Variants in ZNF560 observed in about 807,000 individuals in gnomAD.
The protein encoded by ZNF560 is zinc finger protein 560.
In ZNF560, 54 loss-of-function variants were observed where a neutral mutation model predicts 81.8. The ratio of observed to expected loss-of-function variants is 0.66; its 90% CI spans 0.53 to 0.83. ZNF560 has a LOEUF of 0.83. Ranked by LOEUF, ZNF560 falls within the 40% of genes least tolerant of loss-of-function variation. The pLI is 0.00. For synonymous variants in ZNF560, 321 were observed against 317.9 expected, an observed-to-expected ratio of 1.01 and a Z score of -0.10; for missense variants, 940 against 932.4, an observed-to-expected ratio of 1.01 and a Z score of -0.11.
downstream of ZNF560, among the ~76,000 whole-genome samples, chr19:9,464,352 G>A (rs1344308530): frequency 6.6e-6 from 1 of 152,180 alleles, no homozygotes; most frequent in East Asian, 1.9e-4. Flanking sequence ...CCAAACAGTG[G>A]CATCAAAGAC....
Position 9,470,426 on chromosome 19 carries a change from C to G in ZNF560, c.414G>C (p.Val138=), listed in dbSNP as rs908903278. 6.2e-7 allele frequency: 1 copy of G among 1,613,758 alleles called. No individual in the cohort carries two copies. Among genetic ancestry groups the G allele is most frequent in the Non-Finnish European group, 8.5e-7 (1 of 1,179,814 alleles). ...ACAGGTTCTTGTAGTTCTCCAGCAT[C>G]ACATCACTGTACAGGTTTCTCTGAG... ...DPAQRNLYSD[V]MLENYKNLSS... The change falls in exon 7 of 10, where the codon GTG becomes GTC. Residue 138 remains valine, a synonymous_variant. Transcript: ENST00000301480.
chr19:9,499,788 G>A (rs1416836710), upstream of ZNF560, among the ~76,000 whole-genome samples: 1 of 152,100 alleles, frequency 6.6e-6, no homozygotes, highest in African/African-American at 2.4e-5. Flanking sequence ...GAAATTTTCA[G>A]TTTACAAATA....
upstream of ZNF560, among the ~76,000 whole-genome samples, chr19:9,502,377 A>G (rs1007556985): frequency 6.6e-6 from 1 of 151,564 alleles, no homozygotes; most frequent in Non-Finnish European, 1.5e-5. Context: ...ACGCCCAGCT[A>G]ATTTTTGTGT....
chr19:9,492,096 T>G (rs2073483267), intron 2 of ZNF560, among the ~76,000 whole-genome samples: 1 of 151,990 alleles, frequency 6.6e-6, no homozygotes, highest in South Asian at 2.1e-4. Flanking sequence ...TCTTTCTGCC[T>G]CATGCTCCTG....
the ZNF560 span, among the ~76,000 whole-genome samples, chr19:9,460,290 T>C: frequency 2.1e-3 from 325 of 152,282 alleles, 2 homozygotes; most frequent in African/African-American, 7.5e-3. Flanking sequence ...ATCAAGAAGC[T>C]GTCACAGATG....
At chr19:9,490,727 G>T (rs1459284846) in intron 2 of ZNF560, among the ~76,000 whole-genome samples, 1 of 152,198 alleles carries the variant, frequency 6.6e-6, no homozygotes, top group East Asian at 1.9e-4. Context: ...GTTTGCCAAT[G>T]TAAGTCTTGG....
the ZNF560 span, among the ~76,000 whole-genome samples, chr19:9,446,509 A>G: frequency 6.6e-6 from 1 of 152,122 alleles, no homozygotes; most frequent in Non-Finnish European, 1.5e-5. Context: ...TAGTAGGCAG[A>G]ATTCTGAGAT....
chr19:9,459,825 G>T, the ZNF560 span, among the ~76,000 whole-genome samples: 1 of 152,228 alleles, frequency 6.6e-6, no homozygotes, highest in East Asian at 1.9e-4. Context: ...TTTATGCCCT[G>T]GGCTTAGACT....
At chr19:9,479,643 G>GA (rs567881062) in intron 2 of ZNF560, among the ~76,000 whole-genome samples, 21 of 147,244 alleles carry the variant, frequency 1.4e-4, no homozygotes, top group East Asian at 4.0e-4. Context: ...AAAATATCCA[G>GA]AAAAAAAAAA....
chr19:9,474,654 G>A (rs1239305309), intron 3 of ZNF560, among the ~76,000 whole-genome samples: 1 of 151,886 alleles, frequency 6.6e-6, no homozygotes, highest in Non-Finnish European at 1.5e-5. Flanking sequence ...AAACAGCGAT[G>A]AATGATTAGC....
intron 5 of ZNF560, 44 bp from the exon 6 acceptor site, chr19:9,471,422 AAAAG>A (rs1268148405): frequency 7.8e-7 from 1 of 1,286,278 alleles, no homozygotes; most frequent in South Asian, 1.5e-5. Context: ...TTTTTAAAAA[AAAAG>A]GTAAAATGAA....
rs138621475 is a variant in ZNF560 at position 9,481,323 on chromosome 19, A to T, written c.-56-5954T>A. Among the ~76,000 whole-genome samples the T allele has an allele frequency of 1.4e-3, 213 of 152,312 alleles. 5 individuals are homozygous for T. In the East Asian group the frequency reaches 0.036, roughly 25 times the overall value. ...AGACCTAAAACCATAAAAACCCTAG[A>T]AGAAAACCTAGGCAATGCCATTCAG... On this transcript the variant is annotated intron_variant, in intron 2 of 9. Transcript: ENST00000301480.
At chr19:9,448,767 A>T in the ZNF560 span, among the ~76,000 whole-genome samples, 1 of 152,160 alleles carries the variant, frequency 6.6e-6, no homozygotes, top group African/African-American at 2.4e-5. Flanking sequence ...CTGGATAAAA[A>T]CGACAAGTAC....
chr19:9,483,598 C>T (rs2073335022), intron 2 of ZNF560, among the ~76,000 whole-genome samples: 1 of 113,772 alleles, frequency 8.8e-6, no homozygotes, highest in African/African-American at 2.7e-5. Flanking sequence ...TCAGCCCCCG[C>T]CCGGCCAGCC....
chr19:9,465,532 C>T (rs1258739402), downstream of ZNF560, among the ~76,000 whole-genome samples: 1 of 152,186 alleles, frequency 6.6e-6, no homozygotes, highest in African/African-American at 2.4e-5. Flanking sequence ...ATGCCTTTAA[C>T]TTTATGGAGC....
At chr19:9,476,582 G>A (rs1321569266) in intron 2 of ZNF560, among the ~76,000 whole-genome samples, 5 of 152,004 alleles carry the variant, frequency 3.3e-5, no homozygotes, top group Admixed American at 6.6e-5. Context: ...GAGCCACCGC[G>A]CCCGGCCAAT....
At chr19:9,455,192 T>A in the ZNF560 span, among the ~76,000 whole-genome samples, 1 of 152,144 alleles carries the variant, frequency 6.6e-6, no homozygotes, top group Non-Finnish European at 1.5e-5. Context: ...CATTTGAGGC[T>A]TTTCCCTTTA....
chr19:9,473,349 A>G (rs186190326), intron 4 of ZNF560, 90 bp from the exon 5 acceptor site: 2 of 914,914 alleles, frequency 2.2e-6, no homozygotes, highest in Non-Finnish European at 3.3e-6. Flanking sequence ...GGGAGGCTGA[A>G]GTGGGTGGAT....
chr19:9,503,129 G>A (rs1451677525), upstream of ZNF560, among the ~76,000 whole-genome samples: 1 of 152,134 alleles, frequency 6.6e-6, no homozygotes, highest in East Asian at 1.9e-4. Flanking sequence ...GCCAAGGTGA[G>A]AAGATTGCTT....
Sources: gnomAD v4.1 joint callset for allele counts (sites outside exome capture counted in the v4.1 genomes callset) on GRCh38, gnomAD v4.1.1 for gene constraint, MANE v1.5 for transcripts, NCBI Gene and HGNC (gene_info 2026-07-23, HGNC 2026-07-21) for gene names.